The following RPS6KA2 variants were observed in gnomAD, a reference collection of about 807,000 sequenced individuals.
The protein encoded by RPS6KA2 is ribosomal protein S6 kinase alpha-2.
In RPS6KA2, 42 loss-of-function variants were observed where a neutral mutation model predicts 91.8. The ratio of observed to expected loss-of-function variants is 0.46; its 90% CI spans 0.36 to 0.59. The LOEUF is 0.59. RPS6KA2 is among the 20% of genes least tolerant of loss of function. RPS6KA2 has a pLI of 0.00. For synonymous variants in RPS6KA2, 414 were observed against 393.6 expected (o/e 1.05, Z -0.61); for missense variants, 798 against 978.5 (o/e 0.82, Z 2.46).
At chr6:166,420,538 C>T (rs1290668030) in intron 17 of RPS6KA2, among the ~76,000 whole-genome samples, 2 of 152,206 alleles carry the variant, frequency 1.3e-5, no homozygotes, top group Non-Finnish European at 2.9e-5. Context: ...CTTAGTATAA[C>T]ACCCTAAGCT....
chr6:166,469,326 G>GTTTT (rs60876703), intron 11 of RPS6KA2, among the ~76,000 whole-genome samples: 32,182 of 137,446 alleles, frequency 0.23, 3,962 homozygotes, highest in African/African-American at 0.31. Flanking sequence ...CGGCACTGTT[G>GTTTT]TTTTTTTTTT....
chr6:166,774,935 C>T (rs1448402083), intron 2 of RPS6KA2, among the ~76,000 whole-genome samples: 1 of 151,800 alleles, frequency 6.6e-6, no homozygotes, highest in Non-Finnish European at 1.5e-5. Context: ...GGATGAGCCC[C>T]GTCTTCCAGC....
Position 166,733,328 on chromosome 6 carries a change from G to A in RPS6KA2, c.123+124872C>T, listed in dbSNP as rs150378593. Among the ~76,000 whole-genome samples, 1 of 152,254 alleles carries A rather than the reference G, an allele frequency of 6.6e-6. No individual in the cohort carries two copies. Among genetic ancestry groups the A allele is most frequent in the Admixed American group, 6.5e-5 (1 of 15,298 alleles). On this transcript the variant is annotated intron_variant, in intron 2 of 21. Coordinates refer to the RPS6KA2 transcript ENST00000503859. This position sits in a 1 kb window ranked among gnomAD's most constrained non-coding sequence, Gnocchi z 4.1. ...TGCCGCCACTGTCAGTAACAGCAGT[G>A]GTGTTGGCCGTCTTGATCAGTTTAT...
In RPS6KA2 at chr6:166,662,587, A is replaced by G. The variant is rs1562370568; in HGVS notation, c.124-123803T>C. ...GCACCAGTTCCAGGAAAGAGATTCA[A>G]TATGAAAATATGGACACAGATTCAG... On this transcript the variant is annotated intron_variant, in intron 2 of 21. Coordinates refer to the RPS6KA2 transcript ENST00000503859. This position sits in a 1 kb window ranked among gnomAD's most constrained non-coding sequence, Gnocchi z 4.3. 6.6e-6 allele frequency among the ~76,000 whole-genome samples: 1 copy of G among 152,224 alleles called. No homozygotes were observed. Among genetic ancestry groups the G allele is most frequent in the Non-Finnish European group, 1.5e-5 (1 of 68,036 alleles).
intron 1 of RPS6KA2, among the ~76,000 whole-genome samples, chr6:166,550,519 T>C (rs1783966682): frequency 6.6e-6 from 1 of 152,196 alleles, no homozygotes; most frequent in Admixed American, 6.5e-5. Flanking sequence ...CTCCCGTGCA[T>C]GAACATGGAA....
At chr6:166,702,130 A>C (rs538879368) in intron 2 of RPS6KA2, 53 of 1,551,218 alleles carry the variant, frequency 3.4e-5, no homozygotes, top group Admixed American at 6.7e-5. Context: ...CATTTTCTTT[A>C]CGGTGGACAT....
intron 2 of RPS6KA2, among the ~76,000 whole-genome samples, chr6:166,703,545 C>T (rs1323042443): frequency 1.3e-5 from 2 of 152,214 alleles, no homozygotes; most frequent in Non-Finnish European, 2.9e-5. Flanking sequence ...AGCTCAGCAG[C>T]GTGTTACATC....
At chr6:166,689,080 GT>G (rs1431450144) in intron 2 of RPS6KA2, among the ~76,000 whole-genome samples, 2 of 152,250 alleles carry the variant, frequency 1.3e-5, no homozygotes, top group African/African-American at 2.4e-5. Context: ...CCCTGAGCAG[GT>G]CCTCCCCACT....
rs35257815 is a variant in RPS6KA2, at chr6:166,490,724, C to A, written c.765G>T (p.Gly255=). 1.2e-6 allele frequency: 2 copies of A among 1,612,580 alleles called. No individual in the cohort carries two copies. Among genetic ancestry groups the A allele is most frequent in the African/African-American group, 1.3e-5 (1 of 74,996 alleles). The change falls in exon 9 of 21, where the codon GGG becomes GGT. Residue 255 remains glycine (G), a synonymous_variant. Coordinates refer to ENST00000265678, the MANE Select transcript of RPS6KA2 (RefSeq NM_021135.6). This position sits in a 1 kb window ranked among gnomAD's most constrained non-coding sequence, Gnocchi z 4.2. The stretch of plus-strand genomic sequence containing the variant: ...TGTCCTTCCCCTGGAACGGCAGGGA[C>A]CCCGTGAGCATCTCAAACTGCAGAG... ...FGVLMFEMLT[G]SLPFQGKDRK... is the part of the protein sequence containing the mutation.
chr6:166,744,646 C>T (rs748265637), intron 2 of RPS6KA2, among the ~76,000 whole-genome samples: 13 of 152,310 alleles, frequency 8.5e-5, no homozygotes, highest in Middle Eastern at 3.4e-3. Flanking sequence ...GGTCCTCCCG[C>T]GCTGCCCCTT....
At chr6:166,839,449 T>C (rs989017420) in intron 2 of RPS6KA2, among the ~76,000 whole-genome samples, 2 of 151,750 alleles carry the variant, frequency 1.3e-5, no homozygotes, top group African/African-American at 2.4e-5. Context: ...ATGTGTACTA[T>C]TGATGTAGCA....
intron 5 of RPS6KA2, among the ~76,000 whole-genome samples, chr6:166,505,662 A>T (rs923825894): frequency 6.6e-5 from 10 of 152,152 alleles, no homozygotes; most frequent in African/African-American, 2.4e-4. Flanking sequence ...ACAGCCGGGC[A>T]CCCGCTTCAC....
At position 166,434,592 on chromosome 6, in the gene RPS6KA2, C is replaced by T. The variant is rs1779233998; in HGVS notation, c.1333-2102G>A. Among the ~76,000 whole-genome samples the T allele has an allele frequency of 6.6e-6, 1 of 152,156 alleles. No individual in the cohort carries two copies. Among genetic ancestry groups the T allele is most frequent in the South Asian group, 2.1e-4 (1 of 4,820 alleles). Reference sequence around the variant, plus strand: ...CATCCCGTCTATCGGGGCCGGGATCCTGTCTTTGCAATTAGAGAAGGTTAA... The same window carrying T: ...CATCCCGTCTATCGGGGCCGGGATCTTGTCTTTGCAATTAGAGAAGGTTAA... On this transcript the variant is annotated intron_variant, in intron 14 of 20. Coordinates refer to ENST00000265678, the MANE Select transcript of RPS6KA2 (RefSeq NM_021135.6). This position sits in a 1 kb window ranked among gnomAD's most constrained non-coding sequence, Gnocchi z 4.4.
At chr6:166,622,103 C>CT (rs1786658589) in intron 1 of RPS6KA2, among the ~76,000 whole-genome samples, 1 of 152,162 alleles carries the variant, frequency 6.6e-6, no homozygotes, top group Non-Finnish European at 1.5e-5. Context: ...TCTGAACAGT[C>CT]TTTGCTGTGC....
Position 166,508,379 on chromosome 6 carries a change from G to C in RPS6KA2, c.380-97C>G. ...CCCTGCTCACGGTGCTGCTTACTCC[G>C]GGAGGCTGAGTCACTTGAGAAACGG... On this transcript the variant is annotated intron_variant, in intron 4 of 20. Coordinates refer to ENST00000265678, the MANE Select transcript of RPS6KA2 (RefSeq NM_021135.6). This position sits in a 1 kb window ranked among gnomAD's most constrained non-coding sequence, Gnocchi z 4.3. 1.3e-6 allele frequency: 1 copy of C among 792,486 alleles called. No homozygotes were observed. The allele number at this position is 792,486 out of a possible 1,614,324, so 49.1% of individuals were successfully genotyped here.
At chr6:166,517,455 G>GTTTTTTTTTTTTTTTTTTTTT (rs71032809) in intron 3 of RPS6KA2, among the ~76,000 whole-genome samples, 1 of 104,968 alleles carries the variant, frequency 9.5e-6, no homozygotes, top group African/African-American at 4.4e-5. Flanking sequence ...CTTTTGTTTT[G>GTTTTTTTTTTTTTTTTTTTTT]TTTTTTTTTT....
chr6:166,458,824 G>A (rs954411347), intron 12 of RPS6KA2, among the ~76,000 whole-genome samples: 1 of 152,172 alleles, frequency 6.6e-6, no homozygotes, highest in African/African-American at 2.4e-5. Context: ...ATTTTGTTAT[G>A]ATAGCCCTAT....
chr6:166,554,708 T>C lies in RPS6KA2; in HGVS notation c.100-15924A>G, dbSNP rs1384486360. Reference sequence around the variant, plus strand: ...AAACCAACCTGCTGTCTGAAAGGGTTTTGTTTTTTTGTTTTTTTCTAAGCA... The same window carrying C: ...AAACCAACCTGCTGTCTGAAAGGGTCTTGTTTTTTTGTTTTTTTCTAAGCA... On this transcript the variant is annotated intron_variant, in intron 1 of 20. Coordinates refer to ENST00000265678, the MANE Select transcript of RPS6KA2 (RefSeq NM_021135.6). The surrounding 1 kb of genome is among the most constrained non-coding windows in gnomAD (Gnocchi z 4.3). Among the ~76,000 whole-genome samples, 1 of 152,146 alleles carries C rather than the reference T, an allele frequency of 6.6e-6. No individual in the cohort carries two copies. The highest frequency in any genetic ancestry group is 6.5e-5 in the Admixed American group (1 of 15,278).
chr6:166,830,370 T>C (rs1428100853), intron 2 of RPS6KA2, among the ~76,000 whole-genome samples: 2 of 151,672 alleles, frequency 1.3e-5, no homozygotes, highest in African/African-American at 4.8e-5. Context: ...GAACAGAGAG[T>C]TGGTTAGTTT....
Sources: allele counts gnomAD v4.1 joint callset (sites outside exome capture counted in the v4.1 genomes callset), GRCh38; gene constraint gnomAD v4.1.1; non-coding constraint Gnocchi (gnomAD v3.1); transcripts MANE v1.5; gene names NCBI Gene and HGNC (gene_info 2026-07-23, HGNC 2026-07-21).